The following ZNF26 variants were observed in gnomAD, a reference collection of about 807,000 sequenced individuals.
ZNF26 encodes epididymis luminal protein 179.
Under a neutral mutation model 54.9 loss-of-function variants are expected in ZNF26, and 32 were observed. The ratio of observed to expected loss-of-function variants is 0.58; its 90% CI spans 0.44 to 0.78. The LOEUF (loss-of-function observed/expected upper bound fraction) is 0.78. ZNF26 is among the 30% of genes least tolerant of loss of function. The pLI, the probability that ZNF26 is intolerant of heterozygous loss-of-function variation, is 0.00. For synonymous variants in ZNF26, 221 were observed against 209.2 expected, an observed-to-expected ratio of 1.06 and a Z score of -0.49; for missense variants, 524 against 634.0, an observed-to-expected ratio of 0.83 and a Z score of 1.86.
intron 1 of ZNF26, among the ~76,000 whole-genome samples, chr12:133,000,228 TGTA>T: frequency 1.3e-5 from 2 of 151,962 alleles, no homozygotes; most frequent in Admixed American, 1.3e-4. Flanking sequence ...ACAGTTATTT[TGTA>T]TTTTACTTTT....
At chr12:133,003,542 C>T (rs1460432805) in intron 1 of ZNF26, among the ~76,000 whole-genome samples, 1 of 152,078 alleles carries the variant, frequency 6.6e-6, no homozygotes, top group African/African-American at 2.4e-5. Flanking sequence ...CATGAGCCAC[C>T]GCCCCTGGCC....
Position 133,000,932 on chromosome 12 carries a change from A to G in ZNF26, c.34-6110A>G, listed in dbSNP as rs1014607274. 2.0e-5 allele frequency among the ~76,000 whole-genome samples: 3 copies of G among 152,006 alleles called. No individual in the cohort carries two copies. In the East Asian group the frequency reaches 5.8e-4, roughly 29 times the overall value. ...AAATAGACAATAAGCCTCCTGGTCTACCCGCTGCTCCTGGTCTACCTGCTA... is the reference window on the plus strand; with the variant it reads ...AAATAGACAATAAGCCTCCTGGTCTGCCCGCTGCTCCTGGTCTACCTGCTA... On this transcript the variant is annotated intron_variant, in intron 1 of 3. Coordinates refer to ENST00000328654, the MANE Select transcript of ZNF26 (RefSeq NM_019591.4).
At chr12:132,994,353 T>C (rs1241601248) in intron 1 of ZNF26, among the ~76,000 whole-genome samples, 1 of 152,212 alleles carries the variant, frequency 6.6e-6, no homozygotes, top group Non-Finnish European at 1.5e-5. Flanking sequence ...AGAAGAGTTG[T>C]TGATTTTTCA....
Position 132,986,948 on chromosome 12 carries a change from C to T in ZNF26, c.33+75C>T, listed in dbSNP as rs1952835405. On this transcript the variant is annotated intron_variant, in intron 1 of 3. Transcript: ENST00000328654. ...CCACGTTAATCTCTTCAGGGTTACT[C>T]CGGGAACTGAACTCACATTCAGCTG... The T allele has an allele frequency of 4.1e-6, 6 of 1,480,624 alleles. No individual in the cohort carries two copies. The South Asian group carries it at 4.8e-5, about 12-fold the overall frequency. 91.7% of individuals were successfully genotyped at this position (1,480,624 alleles called of 1,614,324 possible). A position where few individuals can be genotyped will look rare whatever the true frequency, so the allele number is the denominator to read the frequency against.
At position 133,010,338 on chromosome 12, in the gene ZNF26, T is replaced by G; in HGVS notation, c.459T>G (p.Phe153Leu). 6.2e-7 allele frequency: 1 copy of G among 1,613,970 alleles called. No homozygotes were observed. The change falls in exon 4 of 4, where the codon TTT (phenylalanine) becomes TTG (leucine). Residue 153 changes from phenylalanine to leucine, a missense_variant. Physicochemically the swap from Phe to Leu is conservative, Grantham distance 22. Transcript: ENST00000328654. ...ATTTAAGAAAGAATCCTGATAAGTTTCATGGTTATGAAGAACCATATTTTC... is the reference window on the plus strand; with the variant it reads ...ATTTAAGAAAGAATCCTGATAAGTTGCATGGTTATGAAGAACCATATTTTC... ...RSYLRKNPDK[F>L]HGYEEPYFLK... is the part of the protein sequence containing the mutation.
Position 133,011,514 on chromosome 12 carries a change from G to A in ZNF26, c.*33G>A. 1 of 1,512,972 alleles carries A rather than the reference G, an allele frequency of 6.6e-7. No individual in the cohort carries two copies. Among genetic ancestry groups the A allele is most frequent in the South Asian group, 1.4e-5 (1 of 71,998 alleles). 93.7% of individuals were successfully genotyped at this position (1,512,972 alleles called of 1,614,324 possible). A position where few individuals can be genotyped will look rare whatever the true frequency, so the allele number is the denominator to read the frequency against. On this transcript the variant is annotated 3_prime_UTR_variant, in exon 4 of 4. Transcript: ENST00000328654. The stretch of plus-strand genomic sequence containing the variant: ...GAATGATGCAATGTGAGAAACTGAT[G>A]TTCAGGAGACTTCGGATAATATAGA...
chr12:133,012,596 T>G lies in ZNF26; in HGVS notation c.*1115T>G, dbSNP rs1953504633. 7.6e-6 allele frequency: 1 copy of G among 131,790 alleles called. No homozygotes were observed. Among genetic ancestry groups the G allele is most frequent in the African/African-American group, 2.9e-5 (1 of 35,080 alleles). The allele number at this position is 131,790 out of a possible 1,614,324, so 8.2% of individuals were successfully genotyped here. On this transcript the variant is annotated 3_prime_UTR_variant, in exon 4 of 4. Coordinates refer to ENST00000328654, the MANE Select transcript of ZNF26 (RefSeq NM_019591.4). The stretch of plus-strand genomic sequence containing the variant: ...TGTTTGGGTTTTTTTTTTTTTTTTT[T>G]TTTTTTTTTTTTTGAGACTAAGTTT...
At position 133,007,138 on chromosome 12, in the gene ZNF26, T is replaced by C. The variant is rs1953349597; in HGVS notation, c.130T>C (p.Leu44=). ...TQKYLYRDVI[L]ENYHNLISVG... ...GAAGTACCTGTACAGAGATGTGATA[T>C]TGGAAAACTATCATAACCTGATATC... The change falls in exon 2 of 4, where the codon TTG becomes CTG. Residue 44 remains leucine, a synonymous_variant. Transcript: ENST00000328654. 2.5e-6 allele frequency: 4 copies of C among 1,614,174 alleles called. No homozygotes were observed. The highest frequency in any genetic ancestry group is 2.2e-5 in the East Asian group (1 of 44,880).
At chr12:132,993,171 C>T (rs199696808) in intron 1 of ZNF26, among the ~76,000 whole-genome samples, 30,715 of 151,226 alleles carry the variant, frequency 0.2, 3,932 homozygotes, top group Non-Finnish European at 0.29. Flanking sequence ...ACTACAGGTG[C>T]GCACCACCGT....
At chr12:133,009,328 C>T (rs937851267) in intron 3 of ZNF26, among the ~76,000 whole-genome samples, 1 of 152,192 alleles carries the variant, frequency 6.6e-6, no homozygotes, top group Admixed American at 6.5e-5. Context: ...CACAGTGGCT[C>T]ACACCTGTAA....
At chr12:133,002,522 T>A (rs903983425) in intron 1 of ZNF26, among the ~76,000 whole-genome samples, 3 of 152,038 alleles carry the variant, frequency 2.0e-5, no homozygotes, top group Non-Finnish European at 4.4e-5. Context: ...TGCCTAGGTA[T>A]AACCTCATCA....
chr12:133,022,410 A>T lies in ZNF26; in HGVS notation c.*10929A>T, dbSNP rs1953655880. 1 of 152,186 alleles carries T rather than the reference A, an allele frequency of 6.6e-6. No individual in the cohort carries two copies. Among genetic ancestry groups the T allele is most frequent in the Admixed American group, 6.5e-5 (1 of 15,274 alleles). 9.4% of individuals were successfully genotyped at this position (152,186 alleles called of 1,614,324 possible). On this transcript the variant is annotated 3_prime_UTR_variant, in exon 4 of 4. Transcript: ENST00000328654. ...TCTTATGGTGTTGGAACTGTTCAGC[A>T]TCTTGAAGGTGGTTGTTGATACATG...
At chr12:132,988,569 A>G (rs958150194) in intron 1 of ZNF26, among the ~76,000 whole-genome samples, 2 of 152,160 alleles carry the variant, frequency 1.3e-5, no homozygotes, top group African/African-American at 4.8e-5. Context: ...AGTCAGGTTC[A>G]TTCTCCCAAA....
Position 133,010,858 on chromosome 12 carries a change from T to C in ZNF26, c.979T>C (p.Ser327Pro). The C allele has an allele frequency of 6.2e-7, 1 of 1,613,950 alleles. No individual in the cohort carries two copies. The highest frequency in any genetic ancestry group is 8.5e-7 in the Non-Finnish European group (1 of 1,180,004). The change falls in exon 4 of 4, where the codon TCC (serine) becomes CCC (proline). Residue 327 changes from serine to proline, a missense_variant. Ser to Pro is a moderately conservative substitution (Grantham distance 74). Transcript: ENST00000328654. ...ATGTGGGAAAGCCTTTAGGAGTAAG[T>C]CCTATCTCCTTGTTCACATCCGAAT... is the stretch of plus-strand genomic sequence containing the variant. The part of the protein sequence containing the change: ...SECGKAFRSK[S>P]YLLVHIRMHT...
chr12:133,015,344 ACT>A lies in ZNF26; in HGVS notation c.*3866_*3867del, dbSNP rs1953551945. The A allele has an allele frequency of 9.0e-6, 1 of 110,960 alleles. No individual in the cohort carries two copies. 6.9% of individuals were successfully genotyped at this position (110,960 alleles called of 1,614,324 possible). On this transcript the variant is annotated 3_prime_UTR_variant, in exon 4 of 4. Coordinates refer to ENST00000328654, the MANE Select transcript of ZNF26 (RefSeq NM_019591.4). Reference sequence around the variant, plus strand: ...ACTCCAGCCTGGGTGACAGAGTGAGACTCTGTCTCAAAAAAAAAAAAAAAAAG... The same window carrying A: ...ACTCCAGCCTGGGTGACAGAGTGAGACTGTCTCAAAAAAAAAAAAAAAAAG...
Position 133,020,201 on chromosome 12 carries a change from C to G in ZNF26, c.*8720C>G, listed in dbSNP as rs761170722. 6.6e-6 allele frequency: 1 copy of G among 152,024 alleles called. No homozygotes were observed. The highest frequency in any genetic ancestry group is 6.6e-5 in the Admixed American group (1 of 15,256). 9.4% of individuals were successfully genotyped at this position (152,024 alleles called of 1,614,324 possible). ...GTCTATTCAGTCATAAAAATAAAAT[C>G]CTGTCATTTGCAGCAACTGGGATGG... On this transcript the variant is annotated 3_prime_UTR_variant, in exon 4 of 4. Coordinates refer to ENST00000328654, the MANE Select transcript of ZNF26 (RefSeq NM_019591.4).
chr12:133,019,949 A>G lies in ZNF26; in HGVS notation c.*8468A>G, dbSNP rs1180270522. The stretch of plus-strand genomic sequence containing the variant: ...CGTCTCTACTAAAAATACAAAAGTT[A>G]GCGGGGTGTGGTGGCAGACACCTGT... On this transcript the variant is annotated 3_prime_UTR_variant, in exon 4 of 4. Transcript: ENST00000328654. 2.0e-5 allele frequency: 3 copies of G among 152,140 alleles called. No individual in the cohort carries two copies. Among genetic ancestry groups the G allele is most frequent in the African/African-American group, 7.2e-5 (3 of 41,386 alleles). 9.4% of individuals were successfully genotyped at this position (152,140 alleles called of 1,614,324 possible). A position where few individuals can be genotyped will look rare whatever the true frequency, so the allele number is the denominator to read the frequency against.
At chr12:133,004,857 C>T (rs1953290192) in intron 1 of ZNF26, 1 of 152,138 alleles carries the variant, frequency 6.6e-6, no homozygotes, top group Non-Finnish European at 1.5e-5. Flanking sequence ...TTTAGTTTGG[C>T]TGGTATAAGA....
chr12:133,011,506 A>C lies in ZNF26; in HGVS notation c.*25A>C. 1 of 1,519,178 alleles carries C rather than the reference A, an allele frequency of 6.6e-7. No homozygotes were observed. Among genetic ancestry groups the C allele is most frequent in the Non-Finnish European group, 8.8e-7 (1 of 1,137,114 alleles). 94.1% of individuals were successfully genotyped at this position (1,519,178 alleles called of 1,614,324 possible). A position where few individuals can be genotyped will look rare whatever the true frequency, so the allele number is the denominator to read the frequency against. Reference sequence around the variant, plus strand: ...AGAAATCAGAATGATGCAATGTGAGAAACTGATGTTCAGGAGACTTCGGAT... The same window carrying C: ...AGAAATCAGAATGATGCAATGTGAGCAACTGATGTTCAGGAGACTTCGGAT... On this transcript the variant is annotated 3_prime_UTR_variant, in exon 4 of 4. Transcript: ENST00000328654.
Sources: allele counts gnomAD v4.1 joint callset (sites outside exome capture counted in the v4.1 genomes callset), GRCh38; gene constraint gnomAD v4.1.1; transcripts MANE v1.5; gene names NCBI Gene and HGNC (gene_info 2026-07-23, HGNC 2026-07-21).